Variants in ATP7B observed in about 807,000 individuals in gnomAD.
ATP7B encodes ATPase copper transporting beta, also known as copper-transporting ATPase 2.
ATP7B carries 113 observed loss-of-function variants against 118.9 expected under a neutral mutation model. The observed-to-expected ratio is 0.95, with a 90% CI of 0.82 to 1.11. The LOEUF (loss-of-function observed/expected upper bound fraction) is 1.11, where lower values mean the gene tolerates loss of function less well. Ranked by LOEUF, ATP7B falls within the 50% of genes most tolerant of loss-of-function variation. The pLI, the probability that ATP7B is intolerant of heterozygous loss-of-function variation, is 0.00. For missense variants in ATP7B, 1,867 were observed against 1,871.4 expected, an observed-to-expected ratio of 1.00 and a Z score of 0.04; for synonymous variants, 777 against 727.4, an observed-to-expected ratio of 1.07 and a Z score of -1.10.
chr13:51,940,982 T>G (rs893394761), intron 16 of ATP7B, 99 bp downstream of exon 16: 7 of 1,549,606 alleles, frequency 4.5e-6, no homozygotes, highest in Non-Finnish European at 6.2e-6. Context: ...AAGGCTTTTG[T>G]TTGTCTTCTT....
At chr13:51,943,116 C>T (rs1436297835) in intron 14 of ATP7B, among the ~76,000 whole-genome samples, 4 of 152,114 alleles carry the variant, frequency 2.6e-5, no homozygotes, top group African/African-American at 9.7e-5. Flanking sequence ...CTGTGAGCTC[C>T]CAAAGGGTAG....
chr13:51,943,098 C>A (rs1015029038), intron 14 of ATP7B, among the ~76,000 whole-genome samples: 10 of 152,162 alleles, frequency 6.6e-5, no homozygotes, highest in Admixed American at 5.9e-4. Context: ...TGCCCGTCCT[C>A]CCCCAGGCTG....
chr13:51,955,162 C>T (rs1958255806), intron 9 of ATP7B, among the ~76,000 whole-genome samples: 2 of 152,174 alleles, frequency 1.3e-5, no homozygotes, highest in Admixed American at 1.3e-4. Flanking sequence ...CCTCTGGGGG[C>T]CTTCAGATGG....
At position 51,944,162 on chromosome 13, in the gene ATP7B, C is replaced by T. The variant is rs376910645; in HGVS notation, c.3190G>A (p.Glu1064Lys). 3 of 1,614,194 alleles carry T rather than the reference C, an allele frequency of 1.9e-6. No homozygotes were observed. The highest frequency in any genetic ancestry group is 2.5e-6 in the Non-Finnish European group (3 of 1,180,038). Residue 1064 changes from glutamate to lysine, a missense_variant, in exon 14 of 21, where the codon GAG (glutamate) becomes AAG (lysine). Transcript: ENST00000242839. Reference protein sequence around the residue: ...RKVLAVVGTAEASSEHPLGVA... With the variant: ...RKVLAVVGTAKASSEHPLGVA... Reference sequence around the variant, plus strand: ...CCCAAGGGGTGTTCACTGCTGGCCTCCGCAGTCCCCACCACAGCCAGAACC... The same window carrying T: ...CCCAAGGGGTGTTCACTGCTGGCCTTCGCAGTCCCCACCACAGCCAGAACC...
chr13:51,943,794 C>T (rs1228486136), intron 14 of ATP7B, among the ~76,000 whole-genome samples: 1 of 152,102 alleles, frequency 6.6e-6, no homozygotes, highest in African/African-American at 2.4e-5. Flanking sequence ...CACTGAGTTT[C>T]CAGACTGCCC....
intron 1 of ATP7B, among the ~76,000 whole-genome samples, chr13:51,989,052 T>C (rs1457406364): frequency 1.3e-5 from 2 of 152,140 alleles, no homozygotes; most frequent in African/African-American, 2.4e-5. Flanking sequence ...ACTTAAAGTA[T>C]AATTTTTTAA....
At chr13:51,953,146 C>A (rs898698828) in intron 9 of ATP7B, among the ~76,000 whole-genome samples, 2 of 152,274 alleles carry the variant, frequency 1.3e-5, no homozygotes, top group Middle Eastern at 6.8e-3. Flanking sequence ...GGAAGGATCT[C>A]GAGAACCCAA....
chr13:52,001,094 G>A (rs1277781644), intron 1 of ATP7B, among the ~76,000 whole-genome samples: 3 of 152,084 alleles, frequency 2.0e-5, no homozygotes, highest in Admixed American at 6.6e-5. Flanking sequence ...ACATGTAAAT[G>A]TTTAGCAAAT....
chr13:51,946,701 C>A (rs1957686985), intron 12 of ATP7B: 1 of 612,776 alleles, frequency 1.6e-6, no homozygotes, highest in Admixed American at 2.5e-5. Flanking sequence ...CTCAAAGAGG[C>A]ATTACAGGAG....
chr13:51,960,787 T>G (rs564959886), intron 6 of ATP7B, among the ~76,000 whole-genome samples: 2 of 152,016 alleles, frequency 1.3e-5, no homozygotes, highest in African/African-American at 2.4e-5. Context: ...TAAAATAGAG[T>G]CCATGAGAAC....
chr13:51,956,958 T>C (rs117852816), intron 9 of ATP7B, among the ~76,000 whole-genome samples: 3,306 of 152,274 alleles, frequency 0.022, 69 homozygotes, highest in Non-Finnish European at 0.029. Context: ...CTTCCTCATC[T>C]GTAAATTAAG....
At chr13:52,009,010 T>C (rs968114424) in intron 1 of ATP7B, among the ~76,000 whole-genome samples, 2 of 152,048 alleles carry the variant, frequency 1.3e-5, no homozygotes, top group African/African-American at 4.8e-5. Flanking sequence ...GAGTAGCTGG[T>C]TCGACAGGCA....
Position 51,935,681 on chromosome 13 carries a change from T to A in ATP7B, c.4036A>T (p.Ile1346Phe), listed in dbSNP as rs750033958. 1.9e-6 allele frequency: 3 copies of A among 1,612,922 alleles called. No individual in the cohort carries two copies. The highest frequency in any genetic ancestry group is 2.5e-6 in the Non-Finnish European group (3 of 1,179,636). The change falls in exon 20 of 21, where the codon ATC (isoleucine) becomes TTC (phenylalanine). Residue 1346 changes from isoleucine to phenylalanine, a missense_variant. Physicochemically the swap from Ile to Phe is conservative, Grantham distance 21. Transcript: ENST00000242839. ...IPIAAGVFMP[I>F]GIVLQPWMGS... Reference sequence around the variant, plus strand: ...ATCCAGGGCTGCAGCACAATGCCGATGGGCATGAAGACACCTGGGGAAGAA... The same window carrying A: ...ATCCAGGGCTGCAGCACAATGCCGAAGGGCATGAAGACACCTGGGGAAGAA...
intron 14 of ATP7B, 68 bp downstream of exon 14, chr13:51,944,041 G>C: frequency 6.3e-7 from 1 of 1,599,146 alleles, no homozygotes; most frequent in Non-Finnish European, 8.6e-7. Context: ...GCAGCTAGGA[G>C]AGAAGGACAT....
Position 51,949,722 on chromosome 13 carries a change from C to T in ATP7B, c.2805G>A (p.Thr935=), listed in dbSNP as rs141872590. 5.8e-5 allele frequency: 93 copies of T among 1,614,128 alleles called. No homozygotes were observed. Among genetic ancestry groups the T allele is most frequent in the Middle Eastern group, 3.3e-4 (2 of 6,062 alleles). The change falls in exon 12 of 21, where the codon ACG becomes ACA. Residue 935 remains threonine, a synonymous_variant. Coordinates refer to ENST00000242839, the MANE Select transcript of ATP7B (RefSeq NM_000053.4). The stretch of plus-strand genomic sequence containing the variant: ...AACCGATTACAATCCATACCACCAA[C>T]GTCAAAGTTGACATGATGATGATAA... ...VPFIIIMSTL[T]LVVWIVIGFI... is the part of the protein sequence containing the mutation.
At chr13:51,946,613 C>T (rs2139070534) in intron 12 of ATP7B, 135 bp from the exon 13 acceptor site, 1 of 921,192 alleles carries the variant, frequency 1.1e-6, no homozygotes, top group South Asian at 1.4e-5. Context: ...AGATGGTATT[C>T]CACACTGCTC....
intron 14 of ATP7B, among the ~76,000 whole-genome samples, chr13:51,943,901 T>G (rs1311491373): frequency 6.6e-6 from 1 of 151,992 alleles, no homozygotes; most frequent in Admixed American, 6.5e-5. Context: ...AGCAAATGCC[T>G]GTGACACTGA....
At chr13:51,965,831 G>A (rs1166792603) in intron 4 of ATP7B, among the ~76,000 whole-genome samples, 1 of 152,176 alleles carries the variant, frequency 6.6e-6, no homozygotes, top group Non-Finnish European at 1.5e-5. Context: ...TCACTGAGGG[G>A]TAATGAGCAG....
At chr13:51,969,376 A>G (rs1296254873) in intron 3 of ATP7B, among the ~76,000 whole-genome samples, 1 of 151,716 alleles carries the variant, frequency 6.6e-6, no homozygotes, top group Non-Finnish European at 1.5e-5. Context: ...TTTAGAAGAC[A>G]CCAATGAAAT....
Sources: allele counts gnomAD v4.1 joint callset (sites outside exome capture counted in the v4.1 genomes callset), GRCh38; gene constraint gnomAD v4.1.1; transcripts MANE v1.5; gene names NCBI Gene and HGNC (gene_info 2026-07-23, HGNC 2026-07-21).